Variants in TMTC2 observed in about 807,000 individuals in gnomAD.
TMTC2 encodes the protein protein O-mannosyl-transferase TMTC2.
In TMTC2, 43 loss-of-function variants were observed where a neutral mutation model predicts 82.4. The ratio of observed to expected loss-of-function variants is 0.52; its 90% CI spans 0.41 to 0.67. The LOEUF is 0.67. TMTC2 is among the 30% of genes least tolerant of loss of function. TMTC2 has a pLI of 0.00. For missense variants in TMTC2, 919 were observed against 1,012.4 expected, an observed-to-expected ratio of 0.91 and a Z score of 1.25; for synonymous variants, 408 against 381.9, an observed-to-expected ratio of 1.07 and a Z score of -0.80.
chr12:82,798,111 AC>A (rs1207323735), intron 1 of TMTC2, among the ~76,000 whole-genome samples: 1 of 150,380 alleles, frequency 6.6e-6, no homozygotes, highest in African/African-American at 2.4e-5. Context: ...ACCTGCCAGG[AC>A]GCCCGGCTAA....
chr12:82,871,081 C>T (rs1243870205), intron 2 of TMTC2, among the ~76,000 whole-genome samples: 1 of 152,220 alleles, frequency 6.6e-6, no homozygotes, highest in Non-Finnish European at 1.5e-5. Flanking sequence ...TAATGAGAAC[C>T]ACCATTTATC....
chr12:83,111,563 A>G (rs184660711), intron 11 of TMTC2, among the ~76,000 whole-genome samples: 67 of 152,248 alleles, frequency 4.4e-4, no homozygotes, highest in Admixed American at 2.0e-3. Context: ...GACCTCTCCC[A>G]TATGTTCTGT....
At chr12:82,953,595 A>G (rs1308133496) in intron 4 of TMTC2, among the ~76,000 whole-genome samples, 2 of 152,224 alleles carry the variant, frequency 1.3e-5, no homozygotes, top group African/African-American at 4.8e-5. Context: ...GCTTAAAACT[A>G]AGCATAATTC....
intron 4 of TMTC2, among the ~76,000 whole-genome samples, chr12:82,962,127 A>G (rs897928182): frequency 4.6e-5 from 7 of 152,028 alleles, no homozygotes; most frequent in Admixed American, 2.0e-4. Context: ...TGGTTATTAT[A>G]CTATTTATCA....
At chr12:82,944,802 A>G (rs1876912554) in intron 4 of TMTC2, among the ~76,000 whole-genome samples, 1 of 152,126 alleles carries the variant, frequency 6.6e-6, no homozygotes, top group Non-Finnish European at 1.5e-5. Flanking sequence ...AAACTTAAAC[A>G]TGTTATTCAC....
intron 1 of TMTC2, among the ~76,000 whole-genome samples, chr12:82,839,321 A>C (rs1404489904): frequency 1.3e-5 from 2 of 152,170 alleles, no homozygotes; most frequent in African/African-American, 2.4e-5. Flanking sequence ...CAATGTGAGA[A>C]TCTATCTATT....
At chr12:82,985,838 T>TATG (rs145319328) in intron 7 of TMTC2, 87 bp from the exon 8 acceptor site, 153 of 1,483,842 alleles carry the variant, frequency 1.0e-4, no homozygotes, top group East Asian at 2.3e-4. Flanking sequence ...TTCCACGCAG[T>TATG]ATGATGATGA....
intron 7 of TMTC2, among the ~76,000 whole-genome samples, chr12:82,971,475 C>T (rs868037691): frequency 6.6e-6 from 1 of 151,868 alleles, no homozygotes; most frequent in South Asian, 2.1e-4. Context: ...TTGTTTCTTA[C>T]TCCTATTATC....
intron 11 of TMTC2, among the ~76,000 whole-genome samples, chr12:83,084,044 C>G (rs191578029): frequency 6.6e-6 from 1 of 152,314 alleles, no homozygotes; most frequent in Admixed American, 6.5e-5. Flanking sequence ...CCCCATCTCT[C>G]TGTGTGAGTA....
chr12:82,927,061 A>G (rs752701865), intron 3 of TMTC2, among the ~76,000 whole-genome samples: 5 of 152,198 alleles, frequency 3.3e-5, no homozygotes, highest in African/African-American at 4.8e-5. Flanking sequence ...TTGACTTTCA[A>G]GTCTTCTAAT....
intron 4 of TMTC2, among the ~76,000 whole-genome samples, chr12:82,955,225 A>G (rs1334115824): frequency 6.6e-6 from 1 of 152,212 alleles, no homozygotes; most frequent in African/African-American, 2.4e-5. Context: ...AGTTGTGACA[A>G]GCATAAATGT....
At chr12:82,742,659 A>C (rs1413952746) in intron 1 of TMTC2, among the ~76,000 whole-genome samples, 1 of 151,698 alleles carries the variant, frequency 6.6e-6, no homozygotes, top group East Asian at 1.9e-4. Context: ...AGCTGGGATT[A>C]TAGGCGCCTG....
intron 1 of TMTC2, among the ~76,000 whole-genome samples, chr12:82,818,650 G>T (rs1354593886): frequency 6.6e-6 from 1 of 152,134 alleles, no homozygotes; most frequent in African/African-American, 2.4e-5. Flanking sequence ...CCTCATATGG[G>T]AGTGCCCACT....
chr12:82,974,113 A>G (rs1057464180), intron 7 of TMTC2, among the ~76,000 whole-genome samples: 17 of 152,170 alleles, frequency 1.1e-4, no homozygotes, highest in African/African-American at 3.6e-4. Flanking sequence ...TCATGCCTGT[A>G]ATCCCAGCAC....
chr12:82,709,140 G>T (rs1873511467), intron 1 of TMTC2, among the ~76,000 whole-genome samples: 2 of 149,316 alleles, frequency 1.3e-5, no homozygotes, highest in Admixed American at 6.7e-5. Flanking sequence ...GATCTGGATT[G>T]CTATCTTCTG....
intron 11 of TMTC2, among the ~76,000 whole-genome samples, chr12:83,105,252 C>T (rs1293647235): frequency 6.6e-6 from 1 of 152,180 alleles, no homozygotes; most frequent in Non-Finnish European, 1.5e-5. Context: ...CCAAACTCTT[C>T]CAACCTCTGC....
At chr12:82,703,783 G>C (rs113381151) in intron 1 of TMTC2, among the ~76,000 whole-genome samples, 14,690 of 152,138 alleles carry the variant, frequency 0.097, 929 homozygotes, top group East Asian at 0.23. Context: ...CACCGTGCCC[G>C]GCCAAAGATA....
At chr12:82,757,846 A>G (rs1876421742) in intron 1 of TMTC2, among the ~76,000 whole-genome samples, 1 of 152,194 alleles carries the variant, frequency 6.6e-6, no homozygotes, top group Non-Finnish European at 1.5e-5. Flanking sequence ...GCATTAACAT[A>G]TAAACCCCTA....
intron 8 of TMTC2, among the ~76,000 whole-genome samples, chr12:82,992,347 G>A (rs1359605514): frequency 6.6e-6 from 1 of 152,064 alleles, no homozygotes; most frequent in African/African-American, 2.4e-5. Flanking sequence ...TTGTTTGTTT[G>A]TTTATTTATT....
Sources: gnomAD v4.1 joint callset for allele counts (sites outside exome capture counted in the v4.1 genomes callset) on GRCh38, gnomAD v4.1.1 for gene constraint, MANE v1.5 for transcripts, NCBI Gene and HGNC (gene_info 2026-07-23, HGNC 2026-07-21) for gene names.